Variants in BAZ2B observed in about 807,000 individuals in gnomAD.
BAZ2B encodes the protein bromodomain adjacent to zinc finger domain protein 2B.
A neutral mutation model predicts 246.0 loss-of-function variants in BAZ2B; 91 were observed. The ratio of observed to expected loss-of-function variants is 0.37; its 90% confidence interval spans 0.31 to 0.44. The LOEUF (loss-of-function observed/expected upper bound fraction) is 0.44, where lower values mean the gene tolerates loss of function less well. BAZ2B is among the 20% of genes least tolerant of loss of function. BAZ2B has a pLI of 1.00. For synonymous variants in BAZ2B, 855 were observed against 860.0 expected (o/e 0.99, Z 0.10); for missense variants, 2,332 against 2,533.7 (o/e 0.92, Z 1.71).
intron 1 of BAZ2B, among the ~76,000 whole-genome samples, chr2:159,572,911 G>C: frequency 6.6e-6 from 1 of 152,130 alleles, no homozygotes; most frequent in South Asian, 2.1e-4. Flanking sequence ...ATGAGAATGA[G>C]GATTGTGTTT....
chr2:159,493,277 A>G (rs915620392), intron 2 of BAZ2B, among the ~76,000 whole-genome samples: 1 of 152,240 alleles, frequency 6.6e-6, no homozygotes, highest in Non-Finnish European at 1.5e-5. Flanking sequence ...ATAAAATTTA[A>G]AAGTCACACT....
the BAZ2B span, among the ~76,000 whole-genome samples, chr2:159,654,021 A>G: frequency 6.6e-6 from 1 of 152,216 alleles, no homozygotes; most frequent in Admixed American, 6.5e-5. Context: ...CAGGAGCTTT[A>G]AACAACAATA....
chr2:159,329,329 T>C (rs901272564), intron 34 of BAZ2B, among the ~76,000 whole-genome samples: 3 of 152,180 alleles, frequency 2.0e-5, no homozygotes, highest in African/African-American at 7.2e-5. Context: ...CAGGAGGATG[T>C]GTGTAGGTTA....
chr2:159,544,763 C>G (rs756895609), intron 2 of BAZ2B, among the ~76,000 whole-genome samples: 2 of 151,900 alleles, frequency 1.3e-5, no homozygotes, highest in South Asian at 2.1e-4. Flanking sequence ...AGTGGCACTT[C>G]GAGAAAAGGA....
intron 8 of BAZ2B, chr2:159,434,937 T>G (rs1483699351): frequency 6.6e-6 from 1 of 152,010 alleles, no homozygotes; most frequent in African/African-American, 2.4e-5. Context: ...ATCATGAATT[T>G]TATTAAGCTA....
chr2:159,332,731 A>G (rs772305162), intron 33 of BAZ2B, 45 bp from the exon 34 acceptor site: 4 of 1,596,450 alleles, frequency 2.5e-6, no homozygotes, highest in Non-Finnish European at 2.6e-6. Flanking sequence ...TCTGCCATGA[A>G]TAATAGTTAT....
At chr2:159,496,570 G>C (rs1296610224) in intron 2 of BAZ2B, among the ~76,000 whole-genome samples, 1 of 149,276 alleles carries the variant, frequency 6.7e-6, no homozygotes, top group East Asian at 2.0e-4. Context: ...ATCACCTGAG[G>C]TCGGGAGTTC....
At chr2:159,660,090 T>C in the BAZ2B span, among the ~76,000 whole-genome samples, 1 of 152,202 alleles carries the variant, frequency 6.6e-6, no homozygotes, top group African/African-American at 2.4e-5. Context: ...AGAAACTCTA[T>C]ACCCATTAAA....
At chr2:159,374,417 A>ACTATTTGCGC (rs1479419726) in intron 26 of BAZ2B, among the ~76,000 whole-genome samples, 3 of 152,212 alleles carry the variant, frequency 2.0e-5, no homozygotes, top group Admixed American at 6.5e-5. Flanking sequence ...AGAGTATAGA[A>ACTATTTGCGC]TATTTTCTTT....
At chr2:159,479,715 G>A (rs1577574443) in intron 2 of BAZ2B, among the ~76,000 whole-genome samples, 2 of 152,138 alleles carry the variant, frequency 1.3e-5, no homozygotes, top group East Asian at 1.9e-4. Flanking sequence ...CAAGGCTAGT[G>A]TTTGCCTAAT....
intron 3 of BAZ2B, chr2:159,462,971 G>C (rs762730756): frequency 2.3e-5 from 22 of 973,024 alleles, no homozygotes; most frequent in Non-Finnish European, 3.3e-5. Flanking sequence ...CAAATGTAAA[G>C]GAAATTTTGT....
At chr2:159,436,234 T>C (rs995145460) in intron 8 of BAZ2B, among the ~76,000 whole-genome samples, 1 of 152,222 alleles carries the variant, frequency 6.6e-6, no homozygotes, top group Non-Finnish European at 1.5e-5. Flanking sequence ...TAGTATTGTA[T>C]TTTAATTTTC....
At chr2:159,470,879 A>G (rs2077699250) in intron 3 of BAZ2B, among the ~76,000 whole-genome samples, 1 of 152,144 alleles carries the variant, frequency 6.6e-6, no homozygotes, top group African/African-American at 2.4e-5. Flanking sequence ...ACCTCTATGT[A>G]AAATGTATAT....
intron 27 of BAZ2B, among the ~76,000 whole-genome samples, chr2:159,364,765 ATGT>A (rs2060048821): frequency 6.6e-6 from 1 of 152,200 alleles, no homozygotes; most frequent in Non-Finnish European, 1.5e-5. Flanking sequence ...AGGTCGGCAG[ATGT>A]TGTGTGACAC....
intron 2 of BAZ2B, among the ~76,000 whole-genome samples, chr2:159,511,441 G>C (rs2151186972): frequency 6.6e-6 from 1 of 152,240 alleles, no homozygotes; most frequent in African/African-American, 2.4e-5. Context: ...CCTGAACTTA[G>C]GTGATCCACC....
chr2:159,475,968 G>A (rs965074196), intron 3 of BAZ2B, among the ~76,000 whole-genome samples: 1 of 152,104 alleles, frequency 6.6e-6, no homozygotes. Flanking sequence ...CCTGCTTGAG[G>A]TGTCTGTCAC....
At chr2:159,435,341 G>T (rs55900040) in intron 8 of BAZ2B, 1 of 148,568 alleles carries the variant, frequency 6.7e-6, no homozygotes, top group African/African-American at 2.4e-5. Context: ...CACCATACCT[G>T]GCTAATGTTT....
chr2:159,502,212 T>C (rs554427208), intron 2 of BAZ2B, among the ~76,000 whole-genome samples: 1 of 152,206 alleles, frequency 6.6e-6, no homozygotes, highest in South Asian at 2.1e-4. Flanking sequence ...TGGGGGATTA[T>C]GAAATGTTTT....
At chr2:159,403,594 G>A (rs1442921096) in intron 16 of BAZ2B, among the ~76,000 whole-genome samples, 1 of 151,848 alleles carries the variant, frequency 6.6e-6, no homozygotes, top group Non-Finnish European at 1.5e-5. Context: ...ATATTTTAAC[G>A]AATGCATTCA....
Sources: allele counts gnomAD v4.1 joint callset (sites outside exome capture counted in the v4.1 genomes callset), GRCh38; gene constraint gnomAD v4.1.1; transcripts MANE v1.5; gene names NCBI Gene and HGNC (gene_info 2026-07-23, HGNC 2026-07-21).